Variants in SOX5 observed in about 807,000 individuals in gnomAD.
SOX5 encodes the protein SRY-box transcription factor 5, also known as transcription factor SOX-5.
Under a neutral mutation model 92.0 loss-of-function variants are expected in SOX5, and 9 were observed. That is an observed-to-expected ratio of 0.10 (90% confidence interval 0.06 to 0.17). The LOEUF (loss-of-function observed/expected upper bound fraction) is 0.17. SOX5 is among the 10% of genes least tolerant of loss of function. The pLI, the probability that SOX5 is intolerant of heterozygous loss-of-function variation, is 1.00. For missense variants in SOX5, 642 were observed against 944.5 expected, an observed-to-expected ratio of 0.68 and a Z score of 4.20; for synonymous variants, 344 against 336.3, an observed-to-expected ratio of 1.02 and a Z score of -0.25.
intron 4 of SOX5, among the ~76,000 whole-genome samples, chr12:24,001,142 G>C (rs1471747778): frequency 1.3e-5 from 2 of 152,152 alleles, no homozygotes; most frequent in Admixed American, 1.3e-4. Context: ...CCAGATTAGA[G>C]TGCAGTAATA....
At chr12:24,513,055 T>G (rs35369629) in intron 1 of SOX5, among the ~76,000 whole-genome samples, 12,488 of 152,300 alleles carry the variant, frequency 0.082, 579 homozygotes, top group South Asian at 0.14. Context: ...GGTACCATAC[T>G]CTCTCATGGT....
intron 4 of SOX5, among the ~76,000 whole-genome samples, chr12:24,151,164 G>C (rs1385867190): frequency 6.6e-6 from 1 of 152,102 alleles, no homozygotes; most frequent in Non-Finnish European, 1.5e-5. Context: ...CATGTTTATA[G>C]TCATGACGAA....
At chr12:24,347,743 G>A (rs75871963) in intron 2 of SOX5, among the ~76,000 whole-genome samples, 3,363 of 152,240 alleles carry the variant, frequency 0.022, 57 homozygotes, top group Middle Eastern at 0.075. Flanking sequence ...ACAACTGTAG[G>A]ATGTGACTAC....
chr12:23,566,489 T>C (rs1263418484), intron 10 of SOX5, among the ~76,000 whole-genome samples: 1 of 152,214 alleles, frequency 6.6e-6, no homozygotes, highest in Non-Finnish European at 1.5e-5. Context: ...TCCTTTTTCC[T>C]CACTGCCTCC....
intron 10 of SOX5, among the ~76,000 whole-genome samples, chr12:23,569,233 A>G (rs1393368453): frequency 1.3e-5 from 2 of 152,178 alleles, no homozygotes; most frequent in African/African-American, 2.4e-5. Flanking sequence ...CTATCTATGT[A>G]TATTTAAAAA....
At chr12:24,448,794 C>T (rs763822775) in intron 1 of SOX5, among the ~76,000 whole-genome samples, 9 of 152,070 alleles carry the variant, frequency 5.9e-5, no homozygotes, top group Admixed American at 1.3e-4. Flanking sequence ...TTATCTCCAG[C>T]CCAGACCTCA....
intron 8 of SOX5, among the ~76,000 whole-genome samples, chr12:23,622,257 T>C (rs1335968404): frequency 6.6e-6 from 1 of 152,016 alleles, no homozygotes; most frequent in Non-Finnish European, 1.5e-5. Context: ...GTTTGGTGTA[T>C]ATTTTCATTT....
chr12:24,144,367 A>G (rs1008878044), intron 4 of SOX5, among the ~76,000 whole-genome samples: 1 of 152,224 alleles, frequency 6.6e-6, no homozygotes. Context: ...ATGGAATGAG[A>G]AACACCAGAA....
At chr12:24,242,764 G>A (rs1269109497) in intron 3 of SOX5, among the ~76,000 whole-genome samples, 1 of 152,144 alleles carries the variant, frequency 6.6e-6, no homozygotes, top group Non-Finnish European at 1.5e-5. Flanking sequence ...TATAGTTAGC[G>A]AGAGTGTAAA....
chr12:24,140,807 A>G (rs1239572887), intron 4 of SOX5, among the ~76,000 whole-genome samples: 4 of 152,230 alleles, frequency 2.6e-5, no homozygotes, highest in South Asian at 2.1e-4. Context: ...ATCCATAGAT[A>G]TAACGACAAA....
At chr12:23,838,065 TATA>T (rs1443138742) in intron 3 of SOX5, among the ~76,000 whole-genome samples, 1 of 85,150 alleles carries the variant, frequency 1.2e-5, no homozygotes, top group Non-Finnish European at 2.4e-5. Flanking sequence ...TATACTTATA[TATA>T]TTATATTTAT....
At chr12:24,215,665 T>C (rs1025894728) in intron 3 of SOX5, among the ~76,000 whole-genome samples, 1 of 152,140 alleles carries the variant, frequency 6.6e-6, no homozygotes, top group Non-Finnish European at 1.5e-5. Context: ...CTTAAAATGA[T>C]AATACTTGCC....
At chr12:24,446,292 A>G (rs1382487552) in intron 1 of SOX5, among the ~76,000 whole-genome samples, 1 of 152,140 alleles carries the variant, frequency 6.6e-6, no homozygotes, top group Non-Finnish European at 1.5e-5. Flanking sequence ...AGACTACCCT[A>G]GATTGGGTGG....
At chr12:23,898,701 G>A (rs1307586072) in intron 1 of SOX5, among the ~76,000 whole-genome samples, 1 of 152,176 alleles carries the variant, frequency 6.6e-6, no homozygotes, top group African/African-American at 2.4e-5. Flanking sequence ...AAAAGGTTAA[G>A]GTTTATAACA....
chr12:24,032,820 T>C (rs1592522638), intron 4 of SOX5, among the ~76,000 whole-genome samples: 1 of 151,950 alleles, frequency 6.6e-6, no homozygotes, highest in Admixed American at 6.6e-5. Context: ...TGTTAATGAA[T>C]AGCATTTTAT....
chr12:23,857,873 C>T (rs1174779797), intron 2 of SOX5, among the ~76,000 whole-genome samples: 1 of 151,960 alleles, frequency 6.6e-6, no homozygotes, highest in African/African-American at 2.4e-5. Flanking sequence ...GGTGGGATTA[C>T]AGGTGCCTGC....
intron 1 of SOX5, among the ~76,000 whole-genome samples, chr12:24,452,990 T>C (rs763316858): frequency 6.6e-6 from 1 of 152,228 alleles, no homozygotes; most frequent in African/African-American, 2.4e-5. Context: ...ACTAGACTTG[T>C]TTCAGAAGAA....
At chr12:24,362,246 C>T (rs1955659534) in intron 2 of SOX5, among the ~76,000 whole-genome samples, 1 of 152,208 alleles carries the variant, frequency 6.6e-6, no homozygotes, top group Non-Finnish European at 1.5e-5. Flanking sequence ...ATAAGGGGCA[C>T]ATTTGGATAT....
intron 2 of SOX5, among the ~76,000 whole-genome samples, chr12:24,359,742 T>C (rs1955307066): frequency 6.6e-6 from 1 of 152,190 alleles, no homozygotes; most frequent in African/African-American, 2.4e-5. Flanking sequence ...AAGGCTAAGA[T>C]TTTTTGTCAT....
Sources: allele counts gnomAD v4.1 joint callset (sites outside exome capture counted in the v4.1 genomes callset), GRCh38; gene constraint gnomAD v4.1.1; transcripts MANE v1.5; gene names NCBI Gene and HGNC (gene_info 2026-07-23, HGNC 2026-07-21).